The following PDXDC1 variants were observed in gnomAD, a reference collection of about 807,000 sequenced individuals.
PDXDC1 encodes pyridoxal dependent decarboxylase domain containing 1.
In PDXDC1, 42 loss-of-function variants were observed where a neutral mutation model predicts 100.1. The ratio of observed to expected loss-of-function variants is 0.42; its 90% CI spans 0.33 to 0.54. The LOEUF (loss-of-function observed/expected upper bound fraction) is 0.54, where lower values mean the gene tolerates loss of function less well. Ranked by LOEUF, PDXDC1 falls within the 20% of genes least tolerant of loss-of-function variation. The pLI is 0.10. For synonymous variants in PDXDC1, 260 were observed against 371.7 expected, an observed-to-expected ratio of 0.70 and a Z score of 3.46; for missense variants, 636 against 979.2, an observed-to-expected ratio of 0.65 and a Z score of 4.68.
intron 16 of PDXDC1, among the ~76,000 whole-genome samples, chr16:15,055,427 C>G (rs564309187): frequency 1.3e-5 from 2 of 152,194 alleles, no homozygotes; most frequent in Non-Finnish European, 2.9e-5. Context: ...CCGCCAAGAT[C>G]CCCCAGGCCA....
At position 15,136,617 on chromosome 16, in the gene PDXDC1, T is replaced by C. The variant is rs2151929636; in HGVS notation, c.1400-2262T>C. The C allele has an allele frequency of 2.5e-6, 3 of 1,213,896 alleles. No individual in the cohort carries two copies. In the South Asian group the frequency reaches 3.9e-5, roughly 16 times the overall value. 75.2% of individuals were successfully genotyped at this position (1,213,896 alleles called of 1,614,324 possible). On this transcript the variant is annotated intron_variant, in intron 16 of 16. Transcript: ENST00000535621. The stretch of plus-strand genomic sequence containing the variant: ...GCTGCACGGCGGGACTGTCCACCAT[T>C]GCCAGGGCGGCCCCGGCCCAGGCCC...
intron 16 of PDXDC1, among the ~76,000 whole-genome samples, chr16:15,111,198 C>T (rs9746297): frequency 2.0e-5 from 3 of 148,666 alleles, no homozygotes; most frequent in South Asian, 2.2e-4. Context: ...GGCTCACTCC[C>T]GTAATCCCAG....
At chr16:14,990,542 G>C (rs1970535817) in intron 1 of PDXDC1, among the ~76,000 whole-genome samples, 1 of 152,262 alleles carries the variant, frequency 6.6e-6, no homozygotes, top group African/African-American at 2.4e-5. Flanking sequence ...AGCATTCATT[G>C]GTTTAGATCT....
chr16:15,104,272 C>A, intron 16 of PDXDC1: 1 of 1,392,856 alleles, frequency 7.2e-7, no homozygotes, highest in Non-Finnish European at 9.5e-7. Flanking sequence ...GGCAATCATA[C>A]CAGATATTGA....
At chr16:15,047,659 G>C in intron 16 of PDXDC1, 1 of 951,328 alleles carries the variant, frequency 1.1e-6, no homozygotes, top group Non-Finnish European at 1.7e-6. Context: ...ATATCCTGTA[G>C]GGGAAAAACG....
chr16:15,054,423 T>C (rs893302707), intron 16 of PDXDC1, among the ~76,000 whole-genome samples: 5 of 152,178 alleles, frequency 3.3e-5, no homozygotes, highest in African/African-American at 4.8e-5. Flanking sequence ...TCACGGACAT[T>C]TTCAAACAGA....
At chr16:14,991,122 A>G (rs571371357) in intron 1 of PDXDC1, among the ~76,000 whole-genome samples, 1 of 152,402 alleles carries the variant, frequency 6.6e-6, no homozygotes, top group African/African-American at 2.4e-5. Flanking sequence ...TCACCTGGGG[A>G]TTGTGAATCT....
chr16:15,106,803 G>A (rs1369015506), intron 16 of PDXDC1, among the ~76,000 whole-genome samples: 1 of 92,742 alleles, frequency 1.1e-5, no homozygotes, highest in Non-Finnish European at 2.9e-5. Context: ...GATCCAAACT[G>A]TTGCTATATT....
At chr16:15,100,739 G>T (rs1389915915) in intron 16 of PDXDC1, among the ~76,000 whole-genome samples, 2 of 152,196 alleles carry the variant, frequency 1.3e-5, no homozygotes, top group Admixed American at 1.3e-4. Context: ...AGCTATATGG[G>T]AGGGTGAGGC....
At chr16:15,053,825 C>T (rs1341573841) in intron 16 of PDXDC1, among the ~76,000 whole-genome samples, 1 of 152,146 alleles carries the variant, frequency 6.6e-6, no homozygotes, top group Non-Finnish European at 1.5e-5. Flanking sequence ...GCAGGAGAAT[C>T]GCTTGAACCT....
chr16:15,009,760 GTAGGTAGCATGATGC>G lies in PDXDC1; in HGVS notation c.727+3_727+17del, dbSNP rs2041100220. 6.2e-7 allele frequency: 1 copy of G among 1,613,830 alleles called. No homozygotes were observed. Among genetic ancestry groups the G allele is most frequent in the African/African-American group, 1.3e-5 (1 of 74,952 alleles). On this transcript the variant is annotated splice_donor_variant and splice_donor_5th_base_variant and intron_variant, in intron 8 of 22. Coordinates refer to ENST00000396410, the MANE Select transcript of PDXDC1 (RefSeq NM_015027.4). LOFTEE classifies it high-confidence loss of function. Reference sequence around the variant, plus strand: ...CCCCTGTTGCTTGTCGCAAATGCAGGTAGGTAGCATGATGCTGAATCTACCATTTTGAATATATAG... The same window carrying G: ...CCCCTGTTGCTTGTCGCAAATGCAGGTGAATCTACCATTTTGAATATATAG...
At chr16:15,011,631 C>CTTTTTTTTTTTTTTTTTTTTTTT in intron 8 of PDXDC1, among the ~76,000 whole-genome samples, 42 of 131,262 alleles carry the variant, frequency 3.2e-4, no homozygotes, top group Non-Finnish European at 5.1e-4. Flanking sequence ...ACATTTTTTT[C>CTTTTTTTTTTTTTTTTTTTTTTT]TTTTTTTTTT....
intron 16 of PDXDC1, among the ~76,000 whole-genome samples, chr16:15,122,115 G>C (rs1245800620): frequency 6.6e-6 from 1 of 151,852 alleles, no homozygotes; most frequent in South Asian, 2.1e-4. Flanking sequence ...AGTGAGCCGA[G>C]ATCTTGCCAC....
chr16:15,064,210 C>T lies in PDXDC1; in HGVS notation c.1399+34154C>T, dbSNP rs751241312. On this transcript the variant is annotated intron_variant, in intron 16 of 16. Coordinates refer to the PDXDC1 transcript ENST00000535621. ...TGTTTTTCTGAGACAGAGTCTCACT[C>T]TCTCGCCCAGGCTGGAGTGCATTGG... 3.8e-4 allele frequency among the ~76,000 whole-genome samples: 57 copies of T among 151,890 alleles called. 1 individual carries two copies. Among genetic ancestry groups the T allele is most frequent in the Non-Finnish European group, 7.1e-4 (48 of 67,990 alleles).
chr16:15,140,683 C>G (rs2151933936), downstream of PDXDC1, among the ~76,000 whole-genome samples: 1 of 152,252 alleles, frequency 6.6e-6, no homozygotes, highest in South Asian at 2.1e-4. Flanking sequence ...GGTCCTGGAG[C>G]TGGTGATGTG....
chr16:15,109,984 T>C (rs1400319154), intron 16 of PDXDC1, among the ~76,000 whole-genome samples: 1 of 145,204 alleles, frequency 6.9e-6, no homozygotes, highest in Admixed American at 6.9e-5. Flanking sequence ...TGAAACCCCA[T>C]CTCTAGTAAA....
At chr16:15,064,194 G>C (rs2044852045) in intron 16 of PDXDC1, among the ~76,000 whole-genome samples, 1 of 149,006 alleles carries the variant, frequency 6.7e-6, no homozygotes, top group East Asian at 2.0e-4. Flanking sequence ...TTGTTTTTCT[G>C]AGACAGAGTC....
At chr16:15,014,874 T>C (rs1164565885) in intron 8 of PDXDC1, among the ~76,000 whole-genome samples, 1 of 152,294 alleles carries the variant, frequency 6.6e-6, no homozygotes, top group Non-Finnish European at 1.5e-5. Context: ...TTAAGCTGGC[T>C]TCAGAATGCA....
At chr16:15,130,136 T>C in intron 16 of PDXDC1, 3 of 1,345,422 alleles carry the variant, frequency 2.2e-6, no homozygotes, top group Admixed American at 2.0e-5. Flanking sequence ...CTTCTCAGGA[T>C]AGAGCCGAGC....
Sources: gnomAD v4.1 joint callset for allele counts (sites outside exome capture counted in the v4.1 genomes callset) on GRCh38, gnomAD v4.1.1 for gene constraint, MANE v1.5 for transcripts, NCBI Gene and HGNC (gene_info 2026-07-23, HGNC 2026-07-21) for gene names.